The following CELF2 variants were observed in gnomAD, a reference collection of about 807,000 sequenced individuals.
CELF2 encodes the protein CUG triplet repeat RNA-binding protein 2.
In CELF2, 8 loss-of-function variants were observed where a neutral mutation model predicts 62.6. That is an observed-to-expected ratio of 0.13 (90% CI 0.07 to 0.23). The LOEUF is 0.23. CELF2 is among the 10% of genes least tolerant of loss of function. The pLI, the probability that CELF2 is intolerant of heterozygous loss-of-function variation, is 1.00. For synonymous variants in CELF2, 258 were observed against 250.0 expected (o/e 1.03, Z -0.30); for missense variants, 333 against 671.0 (o/e 0.50, Z 5.56).
the CELF2 span, among the ~76,000 whole-genome samples, chr10:10,471,636 A>T: frequency 2.0e-5 from 3 of 151,738 alleles, no homozygotes; most frequent in Non-Finnish European, 4.4e-5. Context: ...AATATTTGTC[A>T]TTTGTATCTA....
intron 2 of CELF2, among the ~76,000 whole-genome samples, chr10:10,939,559 T>C (rs2046815944): frequency 6.6e-6 from 1 of 151,740 alleles, no homozygotes. Context: ...GTGCTGGGAT[T>C]ACAGGTGTGA....
chr10:10,735,860 C>G, the CELF2 span, among the ~76,000 whole-genome samples: 1 of 152,118 alleles, frequency 6.6e-6, no homozygotes, highest in Non-Finnish European at 1.5e-5. Context: ...ATTAGAGCAG[C>G]AAGGGGTCAT....
chr10:11,139,304 T>A (rs1459638065), intron 1 of CELF2, among the ~76,000 whole-genome samples: 1 of 152,250 alleles, frequency 6.6e-6, no homozygotes, highest in Non-Finnish European at 1.5e-5. Flanking sequence ...TCATCATGCT[T>A]TCATTGTAAA....
chr10:10,622,819 C>A, the CELF2 span, among the ~76,000 whole-genome samples: 2 of 151,908 alleles, frequency 1.3e-5, no homozygotes, highest in African/African-American at 4.8e-5. Context: ...GGAAGCCGGG[C>A]GCGGTGGCTT....
intron 2 of CELF2, among the ~76,000 whole-genome samples, chr10:10,956,011 A>G (rs2048852991): frequency 6.6e-6 from 1 of 152,212 alleles, no homozygotes; most frequent in Admixed American, 6.5e-5. Context: ...TTCAGACTTA[A>G]GTCAGGAAAG....
At chr10:10,811,949 C>G (rs2055939684) in intron 1 of CELF2, among the ~76,000 whole-genome samples, 1 of 152,102 alleles carries the variant, frequency 6.6e-6, no homozygotes, top group South Asian at 2.1e-4. Flanking sequence ...CCCCTCCTCT[C>G]CCCAAATAAT....
chr10:11,032,847 T>A (rs1048960354), intron 1 of CELF2, among the ~76,000 whole-genome samples: 5 of 152,224 alleles, frequency 3.3e-5, no homozygotes, highest in African/African-American at 1.2e-4. Context: ...CATAATTAAA[T>A]TGTGAACAGT....
At chr10:10,736,392 C>CT in the CELF2 span, among the ~76,000 whole-genome samples, 1 of 77,996 alleles carries the variant, frequency 1.3e-5, no homozygotes, top group Admixed American at 1.1e-4. Flanking sequence ...TTCTTTCTTT[C>CT]TTTCTTTTTT....
chr10:11,183,398 G>T (rs1334224347), intron 2 of CELF2, among the ~76,000 whole-genome samples: 1 of 152,148 alleles, frequency 6.6e-6, no homozygotes, highest in East Asian at 1.9e-4. Context: ...ACAAAAAGCT[G>T]CTGGGAACAT....
rs1441069761 is a variant in CELF2 at position 11,257,139 on chromosome 10, C to A, written c.404-599C>A. Among the ~76,000 whole-genome samples the A allele has an allele frequency of 3.3e-5, 5 of 152,048 alleles. 1 individual carries two copies. Among genetic ancestry groups the A allele is most frequent in the Admixed American group, 3.3e-4 (5 of 15,288 alleles). On this transcript the variant is annotated intron_variant, in intron 4 of 12. Transcript: ENST00000633077. ...GGGAAAGAGGTACTTTCCTAGCTCCCCAGAGACGTAAGAATCTCTCTGATC... is the reference window on the plus strand; with the variant it reads ...GGGAAAGAGGTACTTTCCTAGCTCCACAGAGACGTAAGAATCTCTCTGATC...
chr10:11,218,639 C>T (rs1171061581), intron 3 of CELF2, among the ~76,000 whole-genome samples: 1 of 152,214 alleles, frequency 6.6e-6, no homozygotes, highest in Non-Finnish European at 1.5e-5. Context: ...CTTTGGTATT[C>T]CCCTTTGTAT....
At chr10:10,818,146 C>G (rs1284605346) in intron 1 of CELF2, among the ~76,000 whole-genome samples, 2 of 152,126 alleles carry the variant, frequency 1.3e-5, no homozygotes, top group African/African-American at 4.8e-5. Flanking sequence ...TATTCAGAAA[C>G]TATATTTTGG....
chr10:11,217,565 A>C lies in CELF2; in HGVS notation c.354+58A>C. 7.5e-7 allele frequency: 1 copy of C among 1,331,294 alleles called. No homozygotes were observed. Among genetic ancestry groups the C allele is most frequent in the South Asian group, 1.2e-5 (1 of 81,760 alleles). The allele number at this position is 1,331,294 out of a possible 1,614,324, so 82.5% of individuals were successfully genotyped here. On this transcript the variant is annotated intron_variant, in intron 3 of 12. Coordinates refer to ENST00000633077, the MANE Select transcript of CELF2 (RefSeq NM_001326342.2). The surrounding 1 kb of genome is among the most constrained non-coding windows in gnomAD (Gnocchi z 5.6). Reference sequence around the variant, plus strand: ...TTATTGCTTGAAAATGGTCCTTTCAACTGAAGGTTCTAGTTATGGGCTCTT... The same window carrying C: ...TTATTGCTTGAAAATGGTCCTTTCACCTGAAGGTTCTAGTTATGGGCTCTT...
intron 2 of CELF2, among the ~76,000 whole-genome samples, chr10:10,965,157 G>A (rs1290382488): frequency 6.6e-6 from 1 of 152,174 alleles, no homozygotes; most frequent in Non-Finnish European, 1.5e-5. Flanking sequence ...TAAGGCAAAT[G>A]TTGAATCACA....
intron 1 of CELF2, among the ~76,000 whole-genome samples, chr10:10,818,945 G>T (rs1176558834): frequency 7.9e-5 from 12 of 152,186 alleles, no homozygotes; most frequent in Non-Finnish European, 1.5e-5. Context: ...TTGGGTGTGT[G>T]TGTCCTGTGG....
At chr10:11,196,078 C>T (rs1016556622) in intron 2 of CELF2, among the ~76,000 whole-genome samples, 3 of 151,020 alleles carry the variant, frequency 2.0e-5, no homozygotes, top group African/African-American at 7.3e-5. Flanking sequence ...TTATCCTTTG[C>T]ATTTGCATAT....
At chr10:11,152,413 T>TA (rs549462786) in intron 1 of CELF2, among the ~76,000 whole-genome samples, 3,312 of 143,482 alleles carry the variant, frequency 0.023, 66 homozygotes, top group African/African-American at 0.063. Context: ...AGTTGTTAAA[T>TA]AAAAAAAAAA....
chr10:10,749,888 G>A, the CELF2 span, among the ~76,000 whole-genome samples: 1 of 152,226 alleles, frequency 6.6e-6, no homozygotes, highest in Non-Finnish European at 1.5e-5. Flanking sequence ...GTGGTAATTA[G>A]TAAAGAGAAA....
At chr10:10,495,840 T>C in the CELF2 span, among the ~76,000 whole-genome samples, 1 of 152,210 alleles carries the variant, frequency 6.6e-6, no homozygotes, top group Non-Finnish European at 1.5e-5. Flanking sequence ...CTGAGGACTG[T>C]ACGCATTTTC....
Sources: gnomAD v4.1 joint callset for allele counts (sites outside exome capture counted in the v4.1 genomes callset) on GRCh38, gnomAD v4.1.1 for gene constraint, Gnocchi (gnomAD v3.1) non-coding constraint, MANE v1.5 for transcripts, NCBI Gene and HGNC (gene_info 2026-07-23, HGNC 2026-07-21) for gene names.